The following SLC25A31 variants were observed in gnomAD, a reference collection of about 807,000 sequenced individuals.
SLC25A31 encodes solute carrier family 25 member 31, also known as ADP/ATP translocase 4.
In SLC25A31, 40 loss-of-function variants were observed where a neutral mutation model predicts 36.2. That is an observed-to-expected ratio of 1.10 (90% CI 0.86 to 1.44). SLC25A31 has a LOEUF of 1.44. Among genes scored for constraint, SLC25A31 ranks in the 40% most tolerant of loss-of-function variants. SLC25A31 has a pLI of 0.00. For missense variants in SLC25A31, 350 were observed against 397.1 expected (o/e 0.88, Z 1.01); for synonymous variants, 143 against 149.7 (o/e 0.96, Z 0.32).
At chr4:127,760,912 G>A (rs542763080) in intron 2 of SLC25A31, among the ~76,000 whole-genome samples, 2 of 152,216 alleles carry the variant, frequency 1.3e-5, no homozygotes, top group East Asian at 1.9e-4. Context: ...GGTGGCGGGC[G>A]CCTGTAGTCC....
Position 127,772,765 on chromosome 4 carries a change from A to G in SLC25A31, c.760-621A>G, listed in dbSNP as rs77728580. On this transcript the variant is annotated intron_variant, in intron 5 of 5. Transcript: ENST00000281154. ...GAAGAAGTGTTCTTAACATCCCAAC[A>G]TATGATTTCTTTTTTTTTTTCTTTT... 4.4e-3 allele frequency among the ~76,000 whole-genome samples: 667 copies of G among 150,990 alleles called. 6 individuals carry two copies. The highest frequency in any genetic ancestry group is 0.015 in the African/African-American group (636 of 41,180).
intron 1 of SLC25A31, among the ~76,000 whole-genome samples, chr4:127,737,048 C>T (rs1341442192): frequency 6.6e-6 from 1 of 152,172 alleles, no homozygotes; most frequent in African/African-American, 2.4e-5. Flanking sequence ...CTGTGTTATA[C>T]TCTTAGCAGG....
chr4:127,733,873 CA>C (rs1487390158), intron 1 of SLC25A31, among the ~76,000 whole-genome samples: 1 of 152,116 alleles, frequency 6.6e-6, no homozygotes, highest in Non-Finnish European at 1.5e-5. Flanking sequence ...ACTTTCTTTC[CA>C]TTACAAGAAT....
intron 1 of SLC25A31, among the ~76,000 whole-genome samples, chr4:127,731,805 A>G (rs1432631489): frequency 6.9e-6 from 1 of 145,520 alleles, no homozygotes; most frequent in Non-Finnish European, 1.5e-5. Flanking sequence ...TAAAAACAGG[A>G]AAAAAAAAAA....
chr4:127,744,808 A>T lies in SLC25A31; in HGVS notation c.360+9A>T, dbSNP rs1025251292. The T allele has an allele frequency of 3.2e-5, 40 of 1,251,640 alleles. No individual in the cohort carries two copies. The highest frequency in any genetic ancestry group is 3.4e-5 in the Non-Finnish European group (32 of 928,746). The allele number at this position is 1,251,640 out of a possible 1,614,324, so 77.5% of individuals were successfully genotyped here. On this transcript the variant is annotated intron_variant, in intron 2 of 5. Transcript: ENST00000281154. Reference sequence around the variant, plus strand: ...TTAATAAAGAAAAACAGGTAATTATATTTTTTTTTTACTTTTTTCTTCCAA... The same window carrying T: ...TTAATAAAGAAAAACAGGTAATTATTTTTTTTTTTTACTTTTTTCTTCCAA...
Position 127,730,668 on chromosome 4 carries a change from C to G in SLC25A31, c.123C>G (p.Ile41Met), listed in dbSNP as rs1474424869. 6.2e-7 allele frequency: 1 copy of G among 1,613,894 alleles called. No homozygotes were observed. The highest frequency in any genetic ancestry group is 8.5e-7 in the Non-Finnish European group (1 of 1,179,936). The part of the protein sequence containing the change: ...AAVSKTAVAP[I>M]ERVKLLLQVQ... ...TGTCCAAGACAGCGGTGGCGCCCAT[C>G]GAGCGGGTGAAGCTGCTGCTGCAGG... is the stretch of plus-strand genomic sequence containing the variant. The change falls in exon 1 of 6, where the codon ATC (isoleucine) becomes ATG (methionine). Residue 41 changes from isoleucine (I) to methionine (M), a missense_variant. Ile to Met is a conservative substitution (Grantham distance 10). Coordinates refer to ENST00000281154, the MANE Select transcript of SLC25A31 (RefSeq NM_031291.4).
intron 2 of SLC25A31, among the ~76,000 whole-genome samples, chr4:127,754,589 A>T (rs1731996287): frequency 6.6e-6 from 1 of 152,070 alleles, no homozygotes; most frequent in South Asian, 2.1e-4. Context: ...GAGGTGAAAG[A>T]TCCATATACT....
At chr4:127,764,512 A>G (rs1732202984) in intron 3 of SLC25A31, 152 bp downstream of exon 3, 1 of 522,862 alleles carries the variant, frequency 1.9e-6, no homozygotes, top group Admixed American at 3.7e-5. Flanking sequence ...CCTAAAGTAT[A>G]TTACTTGCTT....
intron 2 of SLC25A31, among the ~76,000 whole-genome samples, chr4:127,757,128 T>C (rs1732045886): frequency 6.6e-6 from 1 of 152,144 alleles, no homozygotes; most frequent in South Asian, 2.1e-4. Context: ...TACTCAGCAG[T>C]AGAAAGGAAG....
intron 2 of SLC25A31, among the ~76,000 whole-genome samples, chr4:127,756,553 T>G (rs546491918): frequency 6.6e-6 from 1 of 152,286 alleles, no homozygotes; most frequent in East Asian, 1.9e-4. Context: ...ATAATGTATA[T>G]TTCAAAATTG....
At chr4:127,756,029 C>A (rs1189232300) in intron 2 of SLC25A31, among the ~76,000 whole-genome samples, 1 of 148,274 alleles carries the variant, frequency 6.7e-6, no homozygotes, top group Non-Finnish European at 1.5e-5. Context: ...CAAGACCCCA[C>A]CTCAAAAAAA....
At chr4:127,730,837 A>C in intron 1 of SLC25A31, 60 bp downstream of exon 1, 1 of 1,497,268 alleles carries the variant, frequency 6.7e-7, no homozygotes, top group South Asian at 1.2e-5. Flanking sequence ...CTTCCCAGAG[A>C]AGAGGGTGGC....
Position 127,765,841 on chromosome 4 carries a change from G to A in SLC25A31, c.479-1225G>A, listed in dbSNP as rs573643588. On this transcript the variant is annotated intron_variant, in intron 3 of 5. Coordinates refer to ENST00000281154, the MANE Select transcript of SLC25A31 (RefSeq NM_031291.4). ...AAATGTGAGTTTCATCTATTTAACT[G>A]GAAGTTGAAAGTTTATTTTTATTAA... is the stretch of plus-strand genomic sequence containing the variant. Among the ~76,000 whole-genome samples, 53 of 152,206 alleles carry A rather than the reference G, an allele frequency of 3.5e-4. 1 individual carries two copies. The South Asian group carries it at 0.011, about 31-fold the overall frequency.
intron 2 of SLC25A31, among the ~76,000 whole-genome samples, chr4:127,761,923 T>G (rs1732148266): frequency 6.6e-6 from 1 of 152,206 alleles, no homozygotes. Context: ...AATCATCTAC[T>G]ACACTGTGGA....
chr4:127,731,541 T>C (rs1010300829), intron 1 of SLC25A31, among the ~76,000 whole-genome samples: 4 of 152,146 alleles, frequency 2.6e-5, no homozygotes, highest in Admixed American at 1.3e-4. Context: ...AAACCCAGTC[T>C]ATGCTAAATA....
intron 2 of SLC25A31, among the ~76,000 whole-genome samples, chr4:127,753,147 T>C (rs1731968016): frequency 1.3e-5 from 2 of 152,006 alleles, no homozygotes; most frequent in African/African-American, 4.8e-5. Context: ...ATTTTAAATA[T>C]CTTGAGAGAA....
In SLC25A31 at chr4:127,730,517, TGCTGCCGGTTTTTA is replaced by T; in HGVS notation, c.-28_-15del. The T allele has an allele frequency of 6.2e-7, 1 of 1,603,594 alleles. No individual in the cohort carries two copies. The highest frequency in any genetic ancestry group is 1.1e-5 in the South Asian group (1 of 90,798). On this transcript the variant is annotated 5_prime_UTR_variant, in exon 1 of 6. Coordinates refer to ENST00000281154, the MANE Select transcript of SLC25A31 (RefSeq NM_031291.4). ...AGCTCCCGTACTCATTTTTAGCCACTGCTGCCGGTTTTTATATCCTTCTCCATCATGCATCGTGA... is the reference window on the plus strand; with the variant it reads ...AGCTCCCGTACTCATTTTTAGCCACTTATCCTTCTCCATCATGCATCGTGA...
intron 2 of SLC25A31, among the ~76,000 whole-genome samples, chr4:127,758,541 C>T (rs1196164374): frequency 6.6e-6 from 1 of 152,104 alleles, no homozygotes; most frequent in Non-Finnish European, 1.5e-5. Context: ...CAATTCTTTG[C>T]CAAGGCCAAT....
chr4:127,754,878 C>T (rs1250415827), intron 2 of SLC25A31, among the ~76,000 whole-genome samples: 1 of 152,172 alleles, frequency 6.6e-6, no homozygotes, highest in Non-Finnish European at 1.5e-5. Context: ...CTGGAGCTAT[C>T]ATACCACCTG....
Sources: gnomAD v4.1 joint callset for allele counts (sites outside exome capture counted in the v4.1 genomes callset) on GRCh38, gnomAD v4.1.1 for gene constraint, MANE v1.5 for transcripts, NCBI Gene and HGNC (gene_info 2026-07-23, HGNC 2026-07-21) for gene names.